The following PTPRT variants were observed in gnomAD, a reference collection of about 807,000 sequenced individuals.
PTPRT encodes the protein protein tyrosine phosphatase receptor type T.
Under a neutral mutation model 176.8 loss-of-function variants are expected in PTPRT, and 56 were observed. The ratio of observed to expected loss-of-function variants is 0.32; its 90% CI spans 0.26 to 0.40. PTPRT has a LOEUF of 0.40. Ranked by LOEUF, PTPRT falls within the 10% of genes least tolerant of loss-of-function variation. The probability of loss-of-function intolerance (pLI) is 1.00; values close to 1 mark genes in which losing one functional copy is unlikely to be tolerated. For synonymous variants in PTPRT, 783 were observed against 739.0 expected (o/e 1.06, Z -0.96); for missense variants, 1,540 against 1,908.2 (o/e 0.81, Z 3.60).
At chr20:42,561,719 CAGG>C (rs1601272673) in intron 7 of PTPRT, among the ~76,000 whole-genome samples, 1 of 152,310 alleles carries the variant, frequency 6.6e-6, no homozygotes, top group South Asian at 2.1e-4. Context: ...AGTGAGGGAT[CAGG>C]AGAACTCTGT....
chr20:42,175,654 GT>G (rs1291102422), intron 16 of PTPRT, among the ~76,000 whole-genome samples: 1 of 148,668 alleles, frequency 6.7e-6, no homozygotes. Context: ...AGATTTCTGT[GT>G]TTTTTTGCAA....
At position 43,171,580 on chromosome 20, in the gene PTPRT, T is replaced by C. The variant is rs544291854; in HGVS notation, c.88+18066A>G. 3.9e-5 allele frequency among the ~76,000 whole-genome samples: 6 copies of C among 152,340 alleles called. No individual in the cohort carries two copies. The South Asian group carries it at 1.0e-3, about 26-fold the overall frequency. ...TCTCCAAACCAGAGAAGGGATTTGA[T>C]TGGCCAAAGACCCCACCCAGGATTA... is the stretch of plus-strand genomic sequence containing the variant. On this transcript the variant is annotated intron_variant, in intron 1 of 30. Transcript: ENST00000373187.
At chr20:42,116,124 G>T (rs772803979) in intron 21 of PTPRT, 19 of 715,144 alleles carry the variant, frequency 2.7e-5, no homozygotes, top group Non-Finnish European at 3.6e-5. Flanking sequence ...TAAAAAACAA[G>T]AAACAAAAAA....
chr20:42,794,782 T>C (rs956093809), intron 2 of PTPRT, among the ~76,000 whole-genome samples: 1 of 148,010 alleles, frequency 6.8e-6, no homozygotes, highest in East Asian at 2.0e-4. Context: ...CAAGCCTTGG[T>C]GGTAACTTGG....
chr20:42,480,673 T>C (rs2071369591), intron 7 of PTPRT, among the ~76,000 whole-genome samples: 1 of 152,164 alleles, frequency 6.6e-6, no homozygotes, highest in African/African-American at 2.4e-5. Flanking sequence ...ACTGGGCTTC[T>C]GGACAATAGA....
chr20:42,240,778 A>T (rs903301503), intron 14 of PTPRT, among the ~76,000 whole-genome samples: 1 of 152,146 alleles, frequency 6.6e-6, no homozygotes, highest in Non-Finnish European at 1.5e-5. Flanking sequence ...TTAATTCAGC[A>T]GAAACTTCTC....
chr20:42,184,614 T>TCCTC (rs1372340702), intron 16 of PTPRT, among the ~76,000 whole-genome samples: 3 of 142,568 alleles, frequency 2.1e-5, no homozygotes, highest in South Asian at 2.3e-4. Flanking sequence ...TTCTTCTTCT[T>TCCTC]CTCCTCCTTC....
At chr20:42,409,975 G>T (rs929051211) in intron 9 of PTPRT, among the ~76,000 whole-genome samples, 1 of 151,956 alleles carries the variant, frequency 6.6e-6, no homozygotes, top group Non-Finnish European at 1.5e-5. Flanking sequence ...TGGAAAAAAA[G>T]GAAAATTTTA....
chr20:42,425,836 T>C (rs1662164423), intron 9 of PTPRT, among the ~76,000 whole-genome samples: 1 of 151,974 alleles, frequency 6.6e-6, no homozygotes, highest in Non-Finnish European at 1.5e-5. Context: ...AGCCAGTGGA[T>C]GAGAGAGGGA....
intron 7 of PTPRT, among the ~76,000 whole-genome samples, chr20:42,639,513 A>T (rs138957702): frequency 6.6e-6 from 1 of 152,260 alleles, no homozygotes; most frequent in Non-Finnish European, 1.5e-5. Context: ...ACTCTAAGGA[A>T]GCATATTCCT....
At chr20:43,172,535 A>G (rs2015027624) in intron 1 of PTPRT, among the ~76,000 whole-genome samples, 1 of 152,204 alleles carries the variant, frequency 6.6e-6, no homozygotes, top group South Asian at 2.1e-4. Context: ...ATCCTGGGCA[A>G]ACGAGGACAA....
At chr20:42,415,776 T>C (rs1407413077) in intron 9 of PTPRT, among the ~76,000 whole-genome samples, 3 of 152,238 alleles carry the variant, frequency 2.0e-5, no homozygotes, top group Non-Finnish European at 4.4e-5. Context: ...ACAAAGTGTG[T>C]ACATGGGAGT....
intron 1 of PTPRT, among the ~76,000 whole-genome samples, chr20:42,898,212 TG>T (rs1300513881): frequency 6.6e-6 from 1 of 152,120 alleles, no homozygotes; most frequent in Non-Finnish European, 1.5e-5. Flanking sequence ...AGAACCTTTT[TG>T]TTGCTGTTGT....
the PTPRT span, among the ~76,000 whole-genome samples, chr20:42,037,252 G>T: frequency 3.7e-4 from 56 of 152,284 alleles, no homozygotes; most frequent in Non-Finnish European, 6.9e-4. Flanking sequence ...GGCAGTGAGG[G>T]TTAAAGGAGG....
intron 13 of PTPRT, among the ~76,000 whole-genome samples, chr20:42,256,473 C>A (rs945764127): frequency 3.3e-4 from 50 of 149,316 alleles, no homozygotes; most frequent in African/African-American, 1.2e-3. Context: ...TGGGGAGAAA[C>A]AAATGCTGTT....
At chr20:42,486,949 A>T (rs959148013) in intron 7 of PTPRT, among the ~76,000 whole-genome samples, 2 of 152,164 alleles carry the variant, frequency 1.3e-5, no homozygotes, top group African/African-American at 4.8e-5. Context: ...CCACAGTTGG[A>T]AAGGGTGGGA....
At chr20:42,060,167 AAG>A in the PTPRT span, among the ~76,000 whole-genome samples, 3 of 152,178 alleles carry the variant, frequency 2.0e-5, no homozygotes, top group African/African-American at 7.2e-5. Context: ...ACAATTGTCC[AAG>A]TCATACAACT....
chr20:43,144,581 T>C (rs1349396640), intron 1 of PTPRT, among the ~76,000 whole-genome samples: 3 of 152,160 alleles, frequency 2.0e-5, no homozygotes, highest in Admixed American at 1.3e-4. Context: ...TCAAAAGTGA[T>C]GTATGAGTCA....
chr20:42,842,284 T>C (rs2078291808), intron 2 of PTPRT, among the ~76,000 whole-genome samples: 1 of 152,076 alleles, frequency 6.6e-6, no homozygotes, highest in Non-Finnish European at 1.5e-5. Context: ...CGAAGAAGAG[T>C]GCAGTGTCTA....
Sources: allele counts gnomAD v4.1 joint callset (sites outside exome capture counted in the v4.1 genomes callset), GRCh38; gene constraint gnomAD v4.1.1; transcripts MANE v1.5; gene names NCBI Gene and HGNC (gene_info 2026-07-23, HGNC 2026-07-21).